ARHGEF10L: variants seen among roughly 807,000 people sequenced by gnomAD.
The protein encoded by ARHGEF10L is rho guanine nucleotide exchange factor 10-like protein.
In ARHGEF10L, 69 loss-of-function variants were observed where a neutral mutation model predicts 141.2. The observed-to-expected ratio is 0.49, with a 90% confidence interval of 0.40 to 0.60. The LOEUF (loss-of-function observed/expected upper bound fraction) is 0.60. Among genes scored for constraint, ARHGEF10L ranks in the 20% least tolerant of loss-of-function variants. ARHGEF10L has a pLI of 0.00. For missense variants in ARHGEF10L, 1,482 were observed against 1,734.3 expected, an observed-to-expected ratio of 0.85 and a Z score of 2.58; for synonymous variants, 711 against 718.5, an observed-to-expected ratio of 0.99 and a Z score of 0.17.
chr1:17,683,917 C>T lies in ARHGEF10L; in HGVS notation c.3010-3656C>T, dbSNP rs145966677. Among the ~76,000 whole-genome samples the T allele has an allele frequency of 3.0e-3, 463 of 152,306 alleles. 2 individuals are homozygous for T. The highest frequency in any genetic ancestry group is 0.011 in the African/African-American group (450 of 41,560). Reference sequence around the variant, plus strand: ...TGGGTTTCAGTGCGCTTGGCTTTTTCGGAGGCTGAAAATACTTCTGACCTT... The same window carrying T: ...TGGGTTTCAGTGCGCTTGGCTTTTTTGGAGGCTGAAAATACTTCTGACCTT... On this transcript the variant is annotated intron_variant, in intron 26 of 28. Coordinates refer to ENST00000361221, the MANE Select transcript of ARHGEF10L (RefSeq NM_018125.4).
rs2062292856 is a variant in ARHGEF10L, at chr1:17,656,877, C to T, written c.2860+169C>T. On this transcript the variant is annotated intron_variant, in intron 25 of 28. Coordinates refer to ENST00000361221, the MANE Select transcript of ARHGEF10L (RefSeq NM_018125.4). This position sits in a 1 kb window ranked among gnomAD's most constrained non-coding sequence, Gnocchi z 4.9. The stretch of plus-strand genomic sequence containing the variant: ...CCCGCTGGGGTTCAATGGGTGGTCC[C>T]CCATATGTGAATACCTGCTGGAATA... Among the ~76,000 whole-genome samples the T allele has an allele frequency of 6.6e-6, 1 of 152,112 alleles. No homozygotes were observed.
At chr1:17,566,349 AC>A (rs1282635784) in intron 1 of ARHGEF10L, among the ~76,000 whole-genome samples, 1 of 152,176 alleles carries the variant, frequency 6.6e-6, no homozygotes. Flanking sequence ...CCCTTGGGGG[AC>A]ACAACAGCCC....
chr1:17,665,070 G>C (rs1005820517), intron 26 of ARHGEF10L, among the ~76,000 whole-genome samples: 1 of 152,180 alleles, frequency 6.6e-6, no homozygotes, highest in Non-Finnish European at 1.5e-5. Flanking sequence ...GACTGGTCTG[G>C]GGGGCTCATC....
chr1:17,563,611 A>G (rs2077631541), intron 1 of ARHGEF10L, among the ~76,000 whole-genome samples: 1 of 152,074 alleles, frequency 6.6e-6, no homozygotes, highest in Non-Finnish European at 1.5e-5. Flanking sequence ...GTGCTTAATA[A>G]ATGTGGGTTG....
Position 17,654,869 on chromosome 1 carries a change from G to GC in ARHGEF10L, c.2481+149dup. The stretch of plus-strand genomic sequence containing the variant: ...CAAGGTCTTCCTGGGCACCTCTGGT[G>GC]CCAGGCACTGCATTTGGAGTTGGGA... On this transcript the variant is annotated intron_variant, in intron 23 of 28. Transcript: ENST00000361221. The surrounding 1 kb of genome is among the most constrained non-coding windows in gnomAD (Gnocchi z 4.3). 3 of 753,540 alleles carry GC rather than the reference G, an allele frequency of 4.0e-6. No homozygotes were observed. Among genetic ancestry groups the GC allele is most frequent in the Non-Finnish European group, 6.8e-6 (3 of 443,378 alleles). 46.7% of individuals were successfully genotyped at this position (753,540 alleles called of 1,614,324 possible). A position where few individuals can be genotyped will look rare whatever the true frequency, so the allele number is the denominator to read the frequency against.
At chr1:17,528,436 T>C in the ARHGEF10L span, among the ~76,000 whole-genome samples, 1 of 151,920 alleles carries the variant, frequency 6.6e-6, no homozygotes, top group Non-Finnish European at 1.5e-5. Context: ...AGGCTGGTCT[T>C]GAACTCCTGG....
At position 17,623,253 on chromosome 1, in the gene ARHGEF10L, G is replaced by C; in HGVS notation, c.1200+78G>C. ...TCTGACCCCGGGGCCATGCAGTCCA[G>C]CCTCCTGCCTCTGCCTGCTTGCCTT... On this transcript the variant is annotated intron_variant, in intron 12 of 28. Coordinates refer to ENST00000361221, the MANE Select transcript of ARHGEF10L (RefSeq NM_018125.4). The surrounding 1 kb of genome is among the most constrained non-coding windows in gnomAD (Gnocchi z 4.7). The C allele has an allele frequency of 1.3e-6, 2 of 1,499,406 alleles. No homozygotes were observed. The allele number at this position is 1,499,406 out of a possible 1,614,324, so 92.9% of individuals were successfully genotyped here.
chr1:17,567,594 C>T (rs753869744), intron 1 of ARHGEF10L, among the ~76,000 whole-genome samples: 1 of 152,204 alleles, frequency 6.6e-6, no homozygotes, highest in Admixed American at 6.5e-5. Context: ...TCTCAAACTC[C>T]TGACCTCAAG....
the ARHGEF10L span, among the ~76,000 whole-genome samples, chr1:17,520,234 C>G: frequency 6.6e-6 from 1 of 152,206 alleles, no homozygotes; most frequent in African/African-American, 2.4e-5. Context: ...GGGCTGCCTC[C>G]TGTCCTCCTG....
the ARHGEF10L span, among the ~76,000 whole-genome samples, chr1:17,531,464 G>C: frequency 1.3e-5 from 2 of 152,200 alleles, no homozygotes; most frequent in African/African-American, 4.8e-5. Context: ...TGGTCTGGGG[G>C]AAGGAGCATG....
intron 1 of ARHGEF10L, among the ~76,000 whole-genome samples, chr1:17,568,432 A>G (rs76841099): frequency 0.02 from 3,047 of 152,278 alleles, 97 homozygotes; most frequent in African/African-American, 0.069. Flanking sequence ...CACAGAGCTC[A>G]GTCTCCTAAA....
the ARHGEF10L span, among the ~76,000 whole-genome samples, chr1:17,534,455 T>G: frequency 6.6e-6 from 1 of 152,066 alleles, no homozygotes; most frequent in African/African-American, 2.4e-5. Flanking sequence ...GAGACGGGGT[T>G]TTGCCATGTT....
chr1:17,532,225 C>T, the ARHGEF10L span, among the ~76,000 whole-genome samples: 2 of 152,300 alleles, frequency 1.3e-5, no homozygotes, highest in East Asian at 1.9e-4. Flanking sequence ...AACAGGCCCT[C>T]GGCCCTGTCT....
intron 15 of ARHGEF10L, among the ~76,000 whole-genome samples, chr1:17,630,520 A>T (rs2060620861): frequency 6.6e-6 from 1 of 151,908 alleles, no homozygotes; most frequent in South Asian, 2.1e-4. Flanking sequence ...GCTGTGGGGG[A>T]CCCCAAGTCC....
intron 7 of ARHGEF10L, among the ~76,000 whole-genome samples, chr1:17,611,263 T>A (rs912645732): frequency 6.6e-6 from 1 of 152,206 alleles, no homozygotes; most frequent in South Asian, 2.1e-4. Context: ...AGGACTCAGG[T>A]CAAACCCCAA....
intron 8 of ARHGEF10L, 67 bp from the exon 9 acceptor site, chr1:17,616,027 G>A (rs768566922): frequency 9.5e-6 from 13 of 1,362,966 alleles, no homozygotes; most frequent in East Asian, 2.3e-5. Flanking sequence ...CTGGGGAGGC[G>A]GGTGGCCCTC....
chr1:17,544,495 A>G (rs2076847217), intron 1 of ARHGEF10L, among the ~76,000 whole-genome samples: 1 of 151,694 alleles, frequency 6.6e-6, no homozygotes, highest in South Asian at 2.1e-4. Flanking sequence ...GGGTTTCACC[A>G]TGTGGGCCAG....
intron 25 of ARHGEF10L, among the ~76,000 whole-genome samples, chr1:17,659,043 G>T (rs1006723652): frequency 1.3e-5 from 2 of 152,100 alleles, no homozygotes; most frequent in Non-Finnish European, 2.9e-5. Context: ...GTGACCCGGG[G>T]GCAGACAGAG....
At chr1:17,520,374 C>G in the ARHGEF10L span, among the ~76,000 whole-genome samples, 1 of 152,358 alleles carries the variant, frequency 6.6e-6, no homozygotes, top group East Asian at 1.9e-4. Flanking sequence ...AACTGACAGA[C>G]GGGACCCTTC....
Sources: allele counts gnomAD v4.1 joint callset (sites outside exome capture counted in the v4.1 genomes callset), GRCh38; gene constraint gnomAD v4.1.1; non-coding constraint Gnocchi (gnomAD v3.1); transcripts MANE v1.5; gene names NCBI Gene and HGNC (gene_info 2026-07-23, HGNC 2026-07-21).